Variants in NOL4L observed in about 807,000 individuals in gnomAD.
NOL4L encodes nucleolar protein 4 like.
In NOL4L, 7 loss-of-function variants were observed where a neutral mutation model predicts 64.5. The observed-to-expected ratio is 0.11, with a 90% CI of 0.06 to 0.20. The LOEUF (loss-of-function observed/expected upper bound fraction) is 0.20, where lower values mean the gene tolerates loss of function less well. Among genes scored for constraint, NOL4L ranks in the 10% least tolerant of loss-of-function variants. NOL4L has a pLI of 1.00. For missense variants in NOL4L, 680 were observed against 967.1 expected, an observed-to-expected ratio of 0.70 and a Z score of 3.94; for synonymous variants, 413 against 401.0, an observed-to-expected ratio of 1.03 and a Z score of -0.36.
chr20:32,515,852 C>G (rs1473808790), intron 3 of NOL4L, among the ~76,000 whole-genome samples: 2 of 152,304 alleles, frequency 1.3e-5, no homozygotes, highest in Non-Finnish European at 2.9e-5. Flanking sequence ...GCAAGAGAAG[C>G]ACAACAAGAG....
intron 3 of NOL4L, among the ~76,000 whole-genome samples, chr20:32,515,308 T>C (rs2017602564): frequency 6.6e-6 from 1 of 152,070 alleles, no homozygotes. Flanking sequence ...GAGAACACCT[T>C]ACATTGCTGT....
At chr20:32,506,874 A>C (rs2017160700) in intron 4 of NOL4L, among the ~76,000 whole-genome samples, 1 of 152,188 alleles carries the variant, frequency 6.6e-6, no homozygotes, top group Admixed American at 6.5e-5. Flanking sequence ...AGGGAGGCAG[A>C]GGTTAATGGG....
intron 4 of NOL4L, among the ~76,000 whole-genome samples, chr20:32,504,557 C>CAA (rs551239944): frequency 0.03 from 3,706 of 124,092 alleles, 176 homozygotes; most frequent in African/African-American, 0.1. Context: ...GAGACTCCAT[C>CAA]AAAAAAAAAA....
chr20:32,456,335 G>A lies in NOL4L; in HGVS notation c.902C>T (p.Ser301Leu), dbSNP rs949330681. 5 of 1,544,858 alleles carry A rather than the reference G, an allele frequency of 3.2e-6. No individual in the cohort carries two copies. The African/African-American group carries it at 4.1e-5, about 13-fold the overall frequency. The change falls in exon 6 of 11, where the codon TCG becomes TTG. Residue 301 changes from serine to leucine, a missense_variant. By Grantham distance (145) the Ser-to-Leu change is moderately radical (BLOSUM62 -2). Transcript: ENST00000621426. ...GGCAGGGTCGCCCTGCGTGCTGCTC[G>A]ACGTGGATGGGTTCAGGGTGGAGGA... is the stretch of plus-strand genomic sequence containing the variant. ...NGSSTLNPST[S>L]SSTQGDPAFP...
At chr20:32,475,433 G>A (rs2015325770) in intron 4 of NOL4L, 4 of 690,044 alleles carry the variant, frequency 5.8e-6, no homozygotes, top group South Asian at 6.5e-5. Flanking sequence ...CTGGGGGGCC[G>A]CCAGGGCGTT....
intron 1 of NOL4L, chr20:32,532,191 C>G (rs192479055): frequency 5.1e-5 from 9 of 177,354 alleles, no homozygotes; most frequent in Admixed American, 1.3e-4. Flanking sequence ...AAATTGATCA[C>G]TTTCTCCCTT....
intron 5 of NOL4L, among the ~76,000 whole-genome samples, chr20:32,458,252 C>T (rs540540459): frequency 6.6e-6 from 1 of 152,356 alleles, no homozygotes; most frequent in Admixed American, 6.5e-5. Context: ...CCAGCCCAGC[C>T]TCACTATCCT....
In NOL4L at chr20:32,464,071, G is replaced by A. The variant is rs2014330618; in HGVS notation, c.842-7676C>T. Among the ~76,000 whole-genome samples the A allele has an allele frequency of 6.6e-6, 1 of 152,120 alleles. No homozygotes were observed. Among genetic ancestry groups the A allele is most frequent in the Non-Finnish European group, 1.5e-5 (1 of 68,004 alleles). Reference sequence around the variant, plus strand: ...CACACACAACAGGGCGACGGGGGAGGAGGGGGTGGGAGACTGCTGGAGCCA... The same window carrying A: ...CACACACAACAGGGCGACGGGGGAGAAGGGGGTGGGAGACTGCTGGAGCCA... On this transcript the variant is annotated intron_variant, in intron 5 of 10. Coordinates refer to ENST00000621426, the MANE Select transcript of NOL4L (RefSeq NM_001256798.2). This position sits in a 1 kb window ranked among gnomAD's most constrained non-coding sequence, Gnocchi z 5.6.
intron 5 of NOL4L, among the ~76,000 whole-genome samples, chr20:32,467,015 G>A (rs1191927019): frequency 1.3e-5 from 2 of 152,164 alleles, no homozygotes; most frequent in East Asian, 1.9e-4. Context: ...AGAAAGAGCC[G>A]CGGCACAGGG....
At chr20:32,538,450 CCTCCCTCCCTCG>C (rs1964500188) in intron 1 of NOL4L, among the ~76,000 whole-genome samples, 3 of 142,416 alleles carry the variant, frequency 2.1e-5, no homozygotes, top group Admixed American at 7.0e-5. Flanking sequence ...TGACCTCCTC[CCTCCCTCCCTCG>C]CTCCCTCCCT....
At chr20:32,492,505 T>C (rs1600749261) in intron 4 of NOL4L, among the ~76,000 whole-genome samples, 1 of 152,082 alleles carries the variant, frequency 6.6e-6, no homozygotes, top group Admixed American at 6.6e-5. Context: ...GGAGGTGGGG[T>C]CAGTTTGTGA....
At chr20:32,449,549 C>T (rs989290991) in intron 10 of NOL4L, among the ~76,000 whole-genome samples, 4 of 152,182 alleles carry the variant, frequency 2.6e-5, no homozygotes, top group South Asian at 4.1e-4. Context: ...ATGTGGACAC[C>T]AAGGAGGAGG....
chr20:32,509,761 C>A, intron 4 of NOL4L: 1 of 1,280,050 alleles, frequency 7.8e-7, no homozygotes, highest in Non-Finnish European at 1.0e-6. Context: ...GCAACTTGCA[C>A]GACACTGACC....
At chr20:32,554,028 G>A (rs1600869387) in intron 1 of NOL4L, among the ~76,000 whole-genome samples, 1 of 152,112 alleles carries the variant, frequency 6.6e-6, no homozygotes, top group Admixed American at 6.6e-5. Context: ...TGTTAAGAAT[G>A]TATTGGATGT....
In NOL4L at chr20:32,481,971, G is replaced by GT. The variant is rs1384117983; in HGVS notation, c.700-7230_700-7229insA. 2.5e-3 allele frequency among the ~76,000 whole-genome samples: 377 copies of GT among 148,798 alleles called. 4 individuals carry two copies. The highest frequency in any genetic ancestry group is 6.9e-3 in the Middle Eastern group (2 of 290). On this transcript the variant is annotated intron_variant, in intron 4 of 10. Coordinates refer to ENST00000621426, the MANE Select transcript of NOL4L (RefSeq NM_001256798.2). ...TGAGTTGGTGGGGCGGGGCGGGGGG[G>GT]GGGGAGCAGGCTGGGGTTGCCAGCT...
chr20:32,488,803 CTTTTTCTTTCTTTCTTTCTTTCTTTT>C (rs1280827154), intron 4 of NOL4L, among the ~76,000 whole-genome samples: 1,125 of 58,136 alleles, frequency 0.019, 102 homozygotes, highest in Non-Finnish European at 0.026. Context: ...TTCTTTCTTT[CTTTTTCTTTCTTTCTTTCTTTCTTTT>C]TCTTTCTTTC....
chr20:32,475,106 G>A (rs1470289665), intron 4 of NOL4L: 3 of 985,350 alleles, frequency 3.0e-6, no homozygotes, highest in Non-Finnish European at 3.6e-6. Flanking sequence ...AGGGACCGGG[G>A]CTCACTCTGC....
intron 4 of NOL4L, among the ~76,000 whole-genome samples, chr20:32,490,158 T>A (rs1194868712): frequency 7.2e-6 from 1 of 139,776 alleles, no homozygotes; most frequent in Admixed American, 7.4e-5. Context: ...TATATACACA[T>A]ATATATATGT....
At chr20:32,457,793 C>T (rs2013693985) in intron 5 of NOL4L, among the ~76,000 whole-genome samples, 1 of 152,226 alleles carries the variant, frequency 6.6e-6, no homozygotes, top group African/African-American at 2.4e-5. Flanking sequence ...GCTCAAAGCC[C>T]GCCCATAGCT....
Sources: allele counts gnomAD v4.1 joint callset (sites outside exome capture counted in the v4.1 genomes callset), GRCh38; gene constraint gnomAD v4.1.1; non-coding constraint Gnocchi (gnomAD v3.1); transcripts MANE v1.5; gene names NCBI Gene and HGNC (gene_info 2026-07-23, HGNC 2026-07-21).